The following GRM8 variants were observed in gnomAD, a reference collection of about 807,000 sequenced individuals.
GRM8 encodes the protein metabotropic glutamate receptor 8.
A neutral mutation model predicts 87.2 loss-of-function variants in GRM8; 47 were observed. The ratio of observed to expected loss-of-function variants is 0.54; its 90% CI spans 0.43 to 0.69. The LOEUF (loss-of-function observed/expected upper bound fraction) is 0.69, where lower values mean the gene tolerates loss of function less well. Among genes scored for constraint, GRM8 ranks in the 30% least tolerant of loss-of-function variants. The pLI is 0.00. For synonymous variants in GRM8, 396 were observed against 404.5 expected (o/e 0.98, Z 0.25); for missense variants, 1,019 against 1,139.2 (o/e 0.89, Z 1.52).
intron 2 of GRM8, among the ~76,000 whole-genome samples, chr7:127,110,348 C>A (rs1290126477): frequency 6.6e-6 from 1 of 152,166 alleles, no homozygotes; most frequent in Non-Finnish European, 1.5e-5. Flanking sequence ...AACTTCTTAG[C>A]CCTTCTCTAG....
chr7:127,157,699 C>A (rs371801760), intron 2 of GRM8, among the ~76,000 whole-genome samples: 2 of 152,160 alleles, frequency 1.3e-5, no homozygotes, highest in South Asian at 2.1e-4. Context: ...TAACTGCAGC[C>A]TAACCAAGTA....
intron 2 of GRM8, among the ~76,000 whole-genome samples, chr7:127,135,617 C>CAAAA (rs1168682673): frequency 0.02 from 708 of 34,862 alleles, 31 homozygotes; most frequent in African/African-American, 0.074. Flanking sequence ...GACTCCGTCT[C>CAAAA]AAAAAAAAAA....
intron 6 of GRM8, among the ~76,000 whole-genome samples, chr7:126,882,417 G>C (rs1369496756): frequency 6.6e-6 from 1 of 151,962 alleles, no homozygotes; most frequent in East Asian, 1.9e-4. Flanking sequence ...GTAAGGAAGA[G>C]GTCATTCTGC....
At chr7:127,150,220 A>G (rs564869508) in intron 2 of GRM8, among the ~76,000 whole-genome samples, 1 of 152,220 alleles carries the variant, frequency 6.6e-6, no homozygotes, top group African/African-American at 2.4e-5. Flanking sequence ...CAGGCATAGA[A>G]TGGAGGGCTC....
chr7:126,972,446 G>A lies in GRM8; in HGVS notation c.728-67763C>T, dbSNP rs76962554. ...TTTTACACTGCCTTTTCTCTTCTCG[G>A]AATCAAATTTAGTTATCCTTTGGGG... On this transcript the variant is annotated intron_variant, in intron 3 of 10. Coordinates refer to ENST00000339582, the MANE Select transcript of GRM8 (RefSeq NM_000845.3). Among the ~76,000 whole-genome samples, 1,285 of 152,024 alleles carry A rather than the reference G, an allele frequency of 8.5e-3. 11 individuals carry two copies. The highest frequency in any genetic ancestry group is 0.029 in the African/African-American group (1,189 of 41,468).
chr7:126,538,933 CTA>C (rs559514371), intron 8 of GRM8, among the ~76,000 whole-genome samples: 2 of 151,864 alleles, frequency 1.3e-5, no homozygotes, highest in African/African-American at 2.4e-5. Flanking sequence ...ATGTGTCTCT[CTA>C]TATATATATT....
intron 3 of GRM8, among the ~76,000 whole-genome samples, chr7:126,983,886 A>G (rs990465028): frequency 1.3e-5 from 2 of 152,226 alleles, no homozygotes; most frequent in African/African-American, 4.8e-5. Context: ...GTAGGAGAAG[A>G]GTGTAGTCAT....
intron 2 of GRM8, among the ~76,000 whole-genome samples, chr7:127,149,151 GA>G (rs1278702363): frequency 4.0e-5 from 6 of 151,548 alleles, no homozygotes; most frequent in South Asian, 2.1e-4. Context: ...TATAGATTGG[GA>G]AAAAAAATAC....
intron 6 of GRM8, among the ~76,000 whole-genome samples, chr7:126,790,499 A>T (rs1351103715): frequency 6.6e-6 from 1 of 152,184 alleles, no homozygotes; most frequent in Non-Finnish European, 1.5e-5. Context: ...CAACATTTTA[A>T]ATTAAATGTC....
rs961836121 is a variant in GRM8, at chr7:127,075,168, G to T, written c.727+31328C>A. On this transcript the variant is annotated intron_variant, in intron 3 of 10. Coordinates refer to ENST00000339582, the MANE Select transcript of GRM8 (RefSeq NM_000845.3). ...TTAAGTTCCTAGTAAAGATCTCAGG[G>T]GTAAAGGTGGGAGATGGGATGGTGG... Among the ~76,000 whole-genome samples the T allele has an allele frequency of 1.1e-4, 17 of 152,116 alleles. No individual in the cohort carries two copies. The South Asian group carries it at 1.9e-3, about 17-fold the overall frequency.
At chr7:126,708,574 A>T (rs918418996) in intron 7 of GRM8, among the ~76,000 whole-genome samples, 1 of 150,762 alleles carries the variant, frequency 6.6e-6, no homozygotes, top group Non-Finnish European at 1.5e-5. Context: ...TAGATTATAT[A>T]TCACATAGAG....
intron 2 of GRM8, among the ~76,000 whole-genome samples, chr7:127,239,165 G>GTAAA (rs1337510985): frequency 6.6e-6 from 1 of 152,198 alleles, no homozygotes; most frequent in Admixed American, 6.5e-5. Context: ...GATACTGCAG[G>GTAAA]TAAAATACAT....
chr7:126,538,291 T>C (rs1366832492), intron 8 of GRM8, among the ~76,000 whole-genome samples: 1 of 152,188 alleles, frequency 6.6e-6, no homozygotes, highest in Non-Finnish European at 1.5e-5. Flanking sequence ...GGAGTACTGT[T>C]TTATAAACTC....
chr7:126,903,775 GTA>G (rs544721638), intron 5 of GRM8, among the ~76,000 whole-genome samples, 195 bp downstream of exon 5: 11,696 of 87,052 alleles, frequency 0.13, 1,056 homozygotes, highest in African/African-American at 0.19. Context: ...ATGTGTGTGT[GTA>G]TATATATATA....
chr7:126,600,011 C>T (rs1485344645), intron 8 of GRM8, among the ~76,000 whole-genome samples: 1 of 152,062 alleles, frequency 6.6e-6, no homozygotes, highest in Admixed American at 6.6e-5. Flanking sequence ...ATATGTTCTT[C>T]CAAATATTTT....
Position 126,456,519 on chromosome 7 carries a change from T to TAAAAAAAAAAAAAA in GRM8, c.2431-10161_2431-10148dup, listed in dbSNP as rs513. On this transcript the variant is annotated intron_variant, in intron 9 of 10. Coordinates refer to ENST00000339582, the MANE Select transcript of GRM8 (RefSeq NM_000845.3). ...TCCTAAGTGTAAGAAAGCAGCAAGCTAAAAAAAAAAAAAAAAAAAAAAAAA... is the reference window on the plus strand; with the variant it reads ...TCCTAAGTGTAAGAAAGCAGCAAGCTAAAAAAAAAAAAAAAAAAAAAAAAAAAAAAAAAAAAAAA... Among the ~76,000 whole-genome samples the TAAAAAAAAAAAAAA allele has an allele frequency of 1.7e-3, 121 of 69,656 alleles. 8 individuals carry two copies. Among genetic ancestry groups the TAAAAAAAAAAAAAA allele is most frequent in the African/African-American group, 3.1e-3 (37 of 12,054 alleles). 45.7% of individuals were successfully genotyped at this position (69,656 alleles called of 152,430 possible).
At chr7:126,780,513 A>G (rs1046723542) in intron 6 of GRM8, among the ~76,000 whole-genome samples, 1 of 152,192 alleles carries the variant, frequency 6.6e-6, no homozygotes, top group Non-Finnish European at 1.5e-5. Context: ...ATGGTAAACA[A>G]AAACTGACCT....
intron 6 of GRM8, among the ~76,000 whole-genome samples, chr7:126,815,633 T>C (rs1489984007): frequency 6.6e-6 from 1 of 152,154 alleles, no homozygotes; most frequent in Non-Finnish European, 1.5e-5. Flanking sequence ...TGCTACCTTA[T>C]GAAAAAGCTA....
intron 3 of GRM8, among the ~76,000 whole-genome samples, chr7:127,052,242 C>T (rs1322372696): frequency 6.6e-6 from 1 of 152,152 alleles, no homozygotes; most frequent in African/African-American, 2.4e-5. Flanking sequence ...GGGCTGAGTT[C>T]AGTGACCTCT....
Sources: allele counts gnomAD v4.1 joint callset (sites outside exome capture counted in the v4.1 genomes callset), GRCh38; gene constraint gnomAD v4.1.1; transcripts MANE v1.5; gene names NCBI Gene and HGNC (gene_info 2026-07-23, HGNC 2026-07-21).